Variants in MAF observed in about 807,000 individuals in gnomAD.
The protein encoded by MAF is MAF bZIP transcription factor.
Under a neutral mutation model 22.0 loss-of-function variants are expected in MAF, and 10 were observed. That is an observed-to-expected ratio of 0.45 (90% CI 0.28 to 0.77). The LOEUF is 0.77. Among genes scored for constraint, MAF ranks in the 30% least tolerant of loss-of-function variants. MAF has a pLI of 0.12. For missense variants in MAF, 544 were observed against 548.4 expected (o/e 0.99, Z 0.08); for synonymous variants, 337 against 255.8 (o/e 1.32, Z -3.03).
the MAF span, among the ~76,000 whole-genome samples, chr16:79,493,296 C>G: frequency 6.6e-6 from 1 of 152,142 alleles, no homozygotes; most frequent in Non-Finnish European, 1.5e-5. Flanking sequence ...AATTCTGGGC[C>G]TCAGCCTCCC....
At chr16:79,353,057 A>C in the MAF span, among the ~76,000 whole-genome samples, 2 of 152,102 alleles carry the variant, frequency 1.3e-5, no homozygotes, top group South Asian at 4.1e-4. Flanking sequence ...ATGCCAAATC[A>C]GTCTTCTCTG....
chr16:79,216,320 G>T, the MAF span, among the ~76,000 whole-genome samples: 1 of 152,080 alleles, frequency 6.6e-6, no homozygotes, highest in African/African-American at 2.4e-5. Flanking sequence ...CATATATGTG[G>T]CACATGTGCA....
At chr16:79,275,083 T>C in the MAF span, among the ~76,000 whole-genome samples, 102,841 of 152,128 alleles carry the variant, frequency 0.68, 35,535 homozygotes, top group Non-Finnish European at 0.74. Context: ...AGGCCGGGTG[T>C]GGTGGCTCAG....
the MAF span, among the ~76,000 whole-genome samples, chr16:79,443,530 T>G: frequency 1.3e-5 from 2 of 152,206 alleles, no homozygotes; most frequent in African/African-American, 4.8e-5. Flanking sequence ...AGAATATGCC[T>G]TATGAGGGTT....
the MAF span, among the ~76,000 whole-genome samples, chr16:79,431,571 A>G: frequency 6.6e-6 from 1 of 152,216 alleles, no homozygotes; most frequent in Non-Finnish European, 1.5e-5. Flanking sequence ...TATTCAAAGA[A>G]GGATTTTATT....
chr16:79,445,692 T>C, the MAF span, among the ~76,000 whole-genome samples: 8 of 152,294 alleles, frequency 5.3e-5, no homozygotes, highest in South Asian at 2.1e-4. Flanking sequence ...CTTTGTCGAC[T>C]GATTGACAGC....
chr16:79,206,474 T>C, the MAF span: 7 of 152,330 alleles, frequency 4.6e-5, no homozygotes, highest in South Asian at 1.2e-3. Context: ...AAATACTAAC[T>C]GTCCCTGGCT....
chr16:79,577,559 C>T, the MAF span, among the ~76,000 whole-genome samples: 2 of 152,146 alleles, frequency 1.3e-5, no homozygotes, highest in South Asian at 4.1e-4. Flanking sequence ...CATCATAGCC[C>T]ATGGAGGTTT....
the MAF span, among the ~76,000 whole-genome samples, chr16:79,215,451 G>A: frequency 6.6e-6 from 1 of 152,178 alleles, no homozygotes. Context: ...GGAAGTGAAA[G>A]TAAAGCCACG....
At chr16:79,255,034 G>A in the MAF span, among the ~76,000 whole-genome samples, 1 of 152,142 alleles carries the variant, frequency 6.6e-6, no homozygotes. Context: ...AATCACTCTG[G>A]ATCCTTGCCT....
the MAF span, among the ~76,000 whole-genome samples, chr16:79,283,012 C>G: frequency 6.6e-6 from 1 of 152,220 alleles, no homozygotes; most frequent in Non-Finnish European, 1.5e-5. Flanking sequence ...CCACAAATGT[C>G]AAACCTGCAC....
chr16:79,211,034 A>AGAGT, the MAF span, among the ~76,000 whole-genome samples: 2 of 149,602 alleles, frequency 1.3e-5, no homozygotes, highest in African/African-American at 4.9e-5. Flanking sequence ...TATGGTGAGG[A>AGAGT]GTGTGTGTGT....
chr16:79,220,319 G>A, the MAF span, among the ~76,000 whole-genome samples: 89 of 151,566 alleles, frequency 5.9e-4, no homozygotes, highest in Middle Eastern at 7.0e-3. Context: ...TGGGGGGCAG[G>A]ATCAGAAAAA....
At chr16:79,309,053 A>C in the MAF span, among the ~76,000 whole-genome samples, 1 of 152,338 alleles carries the variant, frequency 6.6e-6, no homozygotes, top group Non-Finnish European at 1.5e-5. Context: ...TTGAGGCTCT[A>C]ATCTGGCCCT....
the MAF span, among the ~76,000 whole-genome samples, chr16:79,356,699 T>A: frequency 6.6e-6 from 1 of 152,184 alleles, no homozygotes; most frequent in African/African-American, 2.4e-5. Context: ...GCTCTCAGTT[T>A]AGTTATTATG....
At chr16:79,345,429 G>A in the MAF span, among the ~76,000 whole-genome samples, 6 of 152,110 alleles carry the variant, frequency 3.9e-5, no homozygotes, top group Non-Finnish European at 5.9e-5. Flanking sequence ...AACTGGAAAA[G>A]ACATCATTAA....
At chr16:79,306,611 C>A in the MAF span, among the ~76,000 whole-genome samples, 3 of 152,166 alleles carry the variant, frequency 2.0e-5, no homozygotes, top group African/African-American at 7.2e-5. Flanking sequence ...CCAGGAAAAA[C>A]TATGGGGGAA....
the MAF span, among the ~76,000 whole-genome samples, chr16:79,574,078 G>A: frequency 6.6e-6 from 1 of 152,198 alleles, no homozygotes; most frequent in Non-Finnish European, 1.5e-5. Context: ...AATGAGGCGT[G>A]AACTTCACGC....
At chr16:79,565,038 A>C in the MAF span, among the ~76,000 whole-genome samples, 1 of 152,142 alleles carries the variant, frequency 6.6e-6, no homozygotes, top group Non-Finnish European at 1.5e-5. Flanking sequence ...GGGCCCTGAC[A>C]TCATTCAGCT....
Sources: allele counts gnomAD v4.1 joint callset (sites outside exome capture counted in the v4.1 genomes callset), GRCh38; gene constraint gnomAD v4.1.1; transcripts MANE v1.5; gene names NCBI Gene and HGNC (gene_info 2026-07-23, HGNC 2026-07-21).